ELMOD2: variants seen among roughly 807,000 people sequenced by gnomAD.
The protein encoded by ELMOD2 is ELMO domain containing 2.
A neutral mutation model predicts 41.0 loss-of-function variants in ELMOD2; 28 were observed. The ratio of observed to expected loss-of-function variants is 0.68; its 90% CI spans 0.51 to 0.94. The LOEUF is 0.94. ELMOD2 is among the 40% of genes least tolerant of loss of function. ELMOD2 has a pLI of 0.00. For missense variants in ELMOD2, 333 were observed against 343.1 expected (o/e 0.97, Z 0.23); for synonymous variants, 106 against 107.2 (o/e 0.99, Z 0.07).
chr4:140,536,472 C>T (rs1293589456), intron 4 of ELMOD2, among the ~76,000 whole-genome samples: 5 of 152,154 alleles, frequency 3.3e-5, no homozygotes, highest in African/African-American at 1.2e-4. Flanking sequence ...GTGGTATTTA[C>T]ACTGGACCTT....
intron 1 of ELMOD2, 159 bp from the exon 2 acceptor site, chr4:140,525,261 A>T: frequency 1.4e-6 from 1 of 713,962 alleles, no homozygotes; most frequent in Non-Finnish European, 2.2e-6. Context: ...GGTATATATT[A>T]CACCTGCCAT....
chr4:140,549,417 T>TG (rs1450709233), intron 8 of ELMOD2, among the ~76,000 whole-genome samples: 1 of 151,920 alleles, frequency 6.6e-6, no homozygotes, highest in Non-Finnish European at 1.5e-5. Flanking sequence ...TTTAACATTT[T>TG]GGGGGTTAAT....
intron 1 of ELMOD2, 184 bp downstream of exon 1, chr4:140,524,464 C>T (rs910914573): frequency 2.4e-6 from 1 of 417,996 alleles, no homozygotes; most frequent in Non-Finnish European, 3.2e-6. Context: ...CAGAGACGCC[C>T]AGAGCCCTGG....
intron 3 of ELMOD2, among the ~76,000 whole-genome samples, chr4:140,528,413 T>C (rs1035602897): frequency 1.3e-5 from 2 of 152,120 alleles, no homozygotes; most frequent in Admixed American, 1.3e-4. Context: ...AATCCCATAA[T>C]AGAACACAAC....
intron 3 of ELMOD2, among the ~76,000 whole-genome samples, chr4:140,528,218 T>C (rs916668026): frequency 6.6e-6 from 1 of 152,220 alleles, no homozygotes; most frequent in Admixed American, 6.5e-5. Flanking sequence ...AAATATGATA[T>C]GCCCACCGTA....
At chr4:140,545,985 G>A (rs899307413) in intron 8 of ELMOD2, among the ~76,000 whole-genome samples, 7 of 151,968 alleles carry the variant, frequency 4.6e-5, no homozygotes, top group African/African-American at 1.2e-4. Context: ...CCCATTACTG[G>A]GTATATACCC....
intron 8 of ELMOD2, among the ~76,000 whole-genome samples, chr4:140,544,428 C>G (rs1156392548): frequency 6.6e-6 from 1 of 152,106 alleles, no homozygotes; most frequent in African/African-American, 2.4e-5. Context: ...TGTAACTGTA[C>G]AATATCAGGC....
At chr4:140,532,973 A>C (rs547861582) in intron 3 of ELMOD2, among the ~76,000 whole-genome samples, 1 of 152,320 alleles carries the variant, frequency 6.6e-6, no homozygotes, top group African/African-American at 2.4e-5. Flanking sequence ...GAAAATAAAG[A>C]ACAATACCAC....
chr4:140,527,556 A>G, intron 3 of ELMOD2, 62 bp downstream of exon 3: 1 of 1,423,722 alleles, frequency 7.0e-7, no homozygotes, highest in Non-Finnish European at 9.6e-7. Context: ...TTTCTTAAAA[A>G]AAAAAAAGTG....
intron 7 of ELMOD2, 34 bp downstream of exon 7, chr4:140,542,676 T>G: frequency 2.1e-6 from 3 of 1,462,012 alleles, no homozygotes; most frequent in Non-Finnish European, 2.8e-6. Flanking sequence ...CCGTAATCTC[T>G]TGCATTTATA....
At chr4:140,529,406 A>G (rs185349115) in intron 3 of ELMOD2, among the ~76,000 whole-genome samples, 92 of 152,332 alleles carry the variant, frequency 6.0e-4, no homozygotes, top group African/African-American at 2.1e-3. Flanking sequence ...GACATTGTAA[A>G]GAGAGTAAAA....
intron 8 of ELMOD2, among the ~76,000 whole-genome samples, chr4:140,547,588 T>C (rs146533644): frequency 6.6e-6 from 1 of 152,274 alleles, no homozygotes; most frequent in African/African-American, 2.4e-5. Flanking sequence ...AATAACAACT[T>C]TATTGAGGTA....
chr4:140,542,741 A>C (rs1469362006), intron 7 of ELMOD2, 99 bp downstream of exon 7: 38 of 942,976 alleles, frequency 4.0e-5, no homozygotes, highest in Non-Finnish European at 5.7e-5. Flanking sequence ...CTTAAAATAA[A>C]GTATTTTAAT....
In ELMOD2 at chr4:140,535,582, C is replaced by G; in HGVS notation, c.172-151C>G. ...TATATATATATATGTGAATTTAGCC[C>G]TAGAGAAAATGTGAAATAAACTGGT... is the stretch of plus-strand genomic sequence containing the variant. On this transcript the variant is annotated intron_variant, in intron 3 of 8. Transcript: ENST00000323570. The G allele has an allele frequency of 4.7e-6, 3 of 640,376 alleles. No homozygotes were observed. In the South Asian group the frequency reaches 5.5e-5, roughly 12 times the overall value. 39.7% of individuals were successfully genotyped at this position (640,376 alleles called of 1,614,324 possible).
chr4:140,531,725 A>G (rs576546575), intron 3 of ELMOD2, among the ~76,000 whole-genome samples: 3 of 152,354 alleles, frequency 2.0e-5, no homozygotes, highest in Admixed American at 6.5e-5. Context: ...TTCAAAGTAT[A>G]ATAAGGGGAT....
intron 1 of ELMOD2, 172 bp from the exon 2 acceptor site, chr4:140,525,248 A>G (rs1193248605): frequency 1.8e-6 from 1 of 553,130 alleles, no homozygotes; most frequent in African/African-American, 2.0e-5. Flanking sequence ...ATCAATTAAT[A>G]GCGGTATATA....
chr4:140,540,204 G>T lies in ELMOD2; in HGVS notation c.436G>T (p.Ala146Ser). 6.2e-7 allele frequency: 1 copy of T among 1,614,110 alleles called. No individual in the cohort carries two copies. The highest frequency in any genetic ancestry group is 8.5e-7 in the Non-Finnish European group (1 of 1,179,996). The change falls in exon 6 of 9, where the codon GCT becomes TCT. Residue 146 changes from alanine to serine, a missense_variant. By Grantham distance (99) the Ala-to-Ser change is moderately conservative (BLOSUM62 1). Coordinates refer to ENST00000323570, the MANE Select transcript of ELMOD2 (RefSeq NM_153702.4). ...TCTAATGCCCACGAAGAAGTTAAAC[G>T]CTAGAATCTCCAAGCAGTGGGCTGA... Reference protein sequence around the residue: ...NLLMPTKKLNARISKQWAEIG... With the variant: ...NLLMPTKKLNSRISKQWAEIG...
chr4:140,530,662 T>TA (rs1020870836), intron 3 of ELMOD2, among the ~76,000 whole-genome samples: 8 of 152,132 alleles, frequency 5.3e-5, no homozygotes, highest in African/African-American at 1.9e-4. Context: ...AACAAATGGG[T>TA]AAATACTGAA....
At chr4:140,531,304 T>A (rs1734739374) in intron 3 of ELMOD2, among the ~76,000 whole-genome samples, 1 of 152,190 alleles carries the variant, frequency 6.6e-6, no homozygotes, top group African/African-American at 2.4e-5. Flanking sequence ...TCTTATTTGC[T>A]TATATTTTAG....
Sources: gnomAD v4.1 joint callset for allele counts (sites outside exome capture counted in the v4.1 genomes callset) on GRCh38, gnomAD v4.1.1 for gene constraint, MANE v1.5 for transcripts, NCBI Gene and HGNC (gene_info 2026-07-23, HGNC 2026-07-21) for gene names.